The following PKP4 variants were observed in gnomAD, a reference collection of about 807,000 sequenced individuals.
PKP4 encodes plakophilin-4.
A neutral mutation model predicts 145.1 loss-of-function variants in PKP4; 90 were observed. The observed-to-expected ratio is 0.62, with a 90% CI of 0.52 to 0.74. PKP4 has a LOEUF of 0.74. Ranked by LOEUF, PKP4 falls within the 30% of genes least tolerant of loss-of-function variation. The probability of loss-of-function intolerance (pLI) is 0.00; values close to 1 mark genes in which losing one functional copy is unlikely to be tolerated. For missense variants in PKP4, 1,340 were observed against 1,482.7 expected, an observed-to-expected ratio of 0.90 and a Z score of 1.58; for synonymous variants, 563 against 577.2, an observed-to-expected ratio of 0.98 and a Z score of 0.35.
rs144668119 is a variant in PKP4 at position 158,625,349 on chromosome 2, C to G, written c.1075C>G (p.His359Asp). The change falls in exon 7 of 22, where the codon CAT becomes GAT. Residue 359 changes from histidine (H) to aspartate (D), a missense_variant. By Grantham distance (81) the His-to-Asp change is moderately conservative. Coordinates refer to ENST00000389759, the MANE Select transcript of PKP4 (RefSeq NM_003628.6). ...GGGACCTTCACTGCAAAGGACTGTTCATGACATGGAGCAATTCGGACAGCA... is the reference window on the plus strand; with the variant it reads ...GGGACCTTCACTGCAAAGGACTGTTGATGACATGGAGCAATTCGGACAGCA... ...HLGPSLQRTV[H>D]DMEQFGQQQY... 25 of 1,614,148 alleles carry G rather than the reference C, an allele frequency of 1.5e-5. No individual in the cohort carries two copies. The highest frequency in any genetic ancestry group is 1.6e-4 in the Middle Eastern group (1 of 6,062).
At chr2:158,565,142 T>C (rs2046864084) in intron 2 of PKP4, among the ~76,000 whole-genome samples, 1 of 152,172 alleles carries the variant, frequency 6.6e-6, no homozygotes, top group South Asian at 2.1e-4. Flanking sequence ...ACTGTGTTGC[T>C]TTTTAAGGAT....
chr2:158,593,955 G>A (rs2049496106), intron 3 of PKP4, among the ~76,000 whole-genome samples: 1 of 152,166 alleles, frequency 6.6e-6, no homozygotes, highest in Admixed American at 6.5e-5. Flanking sequence ...ACATTTTGCT[G>A]TCCCTGTTGC....
At chr2:158,549,681 C>G (rs2045420865) in intron 2 of PKP4, among the ~76,000 whole-genome samples, 1 of 152,032 alleles carries the variant, frequency 6.6e-6, no homozygotes, top group Non-Finnish European at 1.5e-5. Context: ...AACTGAATAG[C>G]CCAGTATTTT....
intron 2 of PKP4, among the ~76,000 whole-genome samples, chr2:158,560,141 A>G (rs569461402): frequency 1.3e-5 from 2 of 152,312 alleles, no homozygotes; most frequent in Admixed American, 1.3e-4. Context: ...TGCTAGGATT[A>G]CAGGCGTGAG....
At chr2:158,591,853 A>G (rs967844920) in intron 3 of PKP4, among the ~76,000 whole-genome samples, 1 of 152,092 alleles carries the variant, frequency 6.6e-6, no homozygotes, top group Non-Finnish European at 1.5e-5. Flanking sequence ...GGGAGAAAAA[A>G]GAGGGAAAGA....
chr2:158,634,520 A>T lies in PKP4; in HGVS notation c.1562+231A>T, dbSNP rs72942738. 0.19 allele frequency among the ~76,000 whole-genome samples: 29,642 copies of T among 152,172 alleles called. 3,699 individuals carry two copies. Among genetic ancestry groups the T allele is most frequent in the Middle Eastern group, 0.36 (105 of 294 alleles). On this transcript the variant is annotated intron_variant, in intron 9 of 21. Transcript: ENST00000389759. The stretch of plus-strand genomic sequence containing the variant: ...CCTTTCATAATAAGTTAGAGAAGGC[A>T]CAGATCCATGGGAATATCTGCAGCA...
At chr2:158,551,480 A>G (rs556284283) in intron 2 of PKP4, among the ~76,000 whole-genome samples, 170 of 152,284 alleles carry the variant, frequency 1.1e-3, no homozygotes, top group Middle Eastern at 3.4e-3. Context: ...CTGGTATTCA[A>G]TCACCCTCGC....
intron 1 of PKP4, among the ~76,000 whole-genome samples, chr2:158,525,878 A>T (rs1352259773): frequency 2.0e-5 from 3 of 150,466 alleles, no homozygotes; most frequent in Non-Finnish European, 3.0e-5. Context: ...AAACTAGAAA[A>T]TCTAGAAGAA....
intron 1 of PKP4, among the ~76,000 whole-genome samples, chr2:158,467,101 C>A (rs1377941692): frequency 6.6e-6 from 1 of 152,034 alleles, no homozygotes; most frequent in Non-Finnish European, 1.5e-5. Context: ...GTAAGTAAAC[C>A]TTTGTTTGGT....
intron 3 of PKP4, among the ~76,000 whole-genome samples, chr2:158,601,705 C>T (rs893049975): frequency 7.2e-5 from 11 of 152,148 alleles, no homozygotes; most frequent in African/African-American, 1.9e-4. Flanking sequence ...GCTTGCAATT[C>T]GTTCAGTGGT....
At chr2:158,631,304 AACTT>A (rs939352603) in intron 7 of PKP4, among the ~76,000 whole-genome samples, 14 of 152,094 alleles carry the variant, frequency 9.2e-5, no homozygotes, top group African/African-American at 3.4e-4. Context: ...TCTTTGGTAA[AACTT>A]ACTAGTTTTA....
intron 12 of PKP4, chr2:158,659,348 C>T (rs774002048): frequency 5.9e-5 from 9 of 152,294 alleles, no homozygotes; most frequent in Non-Finnish European, 7.3e-5. Context: ...ACTCCTCAGC[C>T]AGCCAGCTAG....
chr2:158,535,750 C>G (rs1016035747), intron 2 of PKP4, among the ~76,000 whole-genome samples: 13 of 152,070 alleles, frequency 8.5e-5, no homozygotes, highest in African/African-American at 2.7e-4. Flanking sequence ...AAAAGCGTCA[C>G]TGCCATGCCG....
At chr2:158,562,067 C>T (rs531951376) in intron 2 of PKP4, among the ~76,000 whole-genome samples, 3 of 152,066 alleles carry the variant, frequency 2.0e-5, no homozygotes, top group Admixed American at 1.3e-4. Flanking sequence ...AGGCCTTTCA[C>T]TATTGAATTT....
intron 1 of PKP4, among the ~76,000 whole-genome samples, chr2:158,530,504 CTT>C (rs869120223): frequency 0.26 from 23,649 of 90,618 alleles, 1,171 homozygotes; most frequent in East Asian, 0.46. Context: ...CTCTTTCTTT[CTT>C]TTTTTTTTTT....
intron 1 of PKP4, among the ~76,000 whole-genome samples, chr2:158,481,525 C>T (rs1426424017): frequency 6.6e-6 from 1 of 152,130 alleles, no homozygotes; most frequent in African/African-American, 2.4e-5. Flanking sequence ...ATGAGGGTTC[C>T]ACTCCTCCAC....
Position 158,676,758 on chromosome 2 carries a change from A to G in PKP4, c.3147A>G (p.Ser1049=), listed in dbSNP as rs756177313. ...CTTCAGTCGGCAGCACCTCTTCCTC[A>G]CCAGCACTGTTAGGAATCAGAGACC... The part of the protein sequence containing the change: ...IIQSVGSTSS[S]PALLGIRDPR... The change falls in exon 20 of 22, where the codon TCA becomes TCG. Residue 1049 remains serine (S), a synonymous_variant. Coordinates refer to ENST00000389759, the MANE Select transcript of PKP4 (RefSeq NM_003628.6). 11 of 1,613,828 alleles carry G rather than the reference A, an allele frequency of 6.8e-6. No homozygotes were observed. The highest frequency in any genetic ancestry group is 9.3e-6 in the Non-Finnish European group (11 of 1,179,990).
Position 158,680,624 on chromosome 2 carries a change from C to A in PKP4, c.3526C>A (p.Arg1176=). The A allele has an allele frequency of 6.2e-7, 1 of 1,613,804 alleles. No individual in the cohort carries two copies. The highest frequency in any genetic ancestry group is 2.2e-5 in the East Asian group (1 of 44,856). ...TTATGTAGACTTTTATTCCACTAAA[C>A]GACCTTCTTATAGAGCAGAACAGTA... ...TNYVDFYSTK[R]PSYRAEQYPG... is the part of the protein sequence containing the mutation. The change falls in exon 22 of 22, where the codon CGA becomes AGA. Residue 1176 remains arginine (R), a synonymous_variant. Coordinates refer to ENST00000389759, the MANE Select transcript of PKP4 (RefSeq NM_003628.6).
intron 1 of PKP4, among the ~76,000 whole-genome samples, chr2:158,483,615 A>G (rs1461874477): frequency 6.6e-6 from 1 of 151,932 alleles, no homozygotes; most frequent in Non-Finnish European, 1.5e-5. Flanking sequence ...GTTTGGGGGG[A>G]TCTACTATCT....
Sources: gnomAD v4.1 joint callset for allele counts (sites outside exome capture counted in the v4.1 genomes callset) on GRCh38, gnomAD v4.1.1 for gene constraint, MANE v1.5 for transcripts, NCBI Gene and HGNC (gene_info 2026-07-23, HGNC 2026-07-21) for gene names.